The following GAREM1 variants were observed in gnomAD, a reference collection of about 807,000 sequenced individuals.
The protein encoded by GAREM1 is GRB2 associated regulator of MAPK1 subtype 1.
Under a neutral mutation model 71.3 loss-of-function variants are expected in GAREM1, and 26 were observed. That is an observed-to-expected ratio of 0.36 (90% CI 0.27 to 0.51). The LOEUF is 0.51. Ranked by LOEUF, GAREM1 falls within the 20% of genes least tolerant of loss-of-function variation. The probability of loss-of-function intolerance (pLI) is 0.95; values close to 1 mark genes in which losing one functional copy is unlikely to be tolerated. For synonymous variants in GAREM1, 440 were observed against 433.2 expected (o/e 1.02, Z -0.20); for missense variants, 1,026 against 1,103.1 (o/e 0.93, Z 0.99).
chr18:32,432,194 A>G (rs911084951), intron 1 of GAREM1, among the ~76,000 whole-genome samples: 1 of 152,190 alleles, frequency 6.6e-6, no homozygotes, highest in Non-Finnish European at 1.5e-5. Context: ...TTTAAAATAA[A>G]TATGATGGTG....
Position 32,285,168 on chromosome 18 carries a change from T to C in GAREM1, c.1566+1863A>G, listed in dbSNP as rs569210276. On this transcript the variant is annotated intron_variant, in intron 4 of 5. Transcript: ENST00000269209. ...TCCCCAAATAGTCCATGATATTTAG[T>C]GAATACAGGGATCTCTGGGCTTGTG... 1.1e-4 allele frequency among the ~76,000 whole-genome samples: 16 copies of C among 152,272 alleles called. No homozygotes were observed. In the South Asian group the frequency reaches 3.1e-3, roughly 30 times the overall value.
intron 1 of GAREM1, among the ~76,000 whole-genome samples, chr18:32,401,563 G>A (rs72931898): frequency 0.077 from 11,604 of 151,220 alleles, 620 homozygotes; most frequent in African/African-American, 0.15. Flanking sequence ...AATGAGTTGG[G>A]CTTAGATAAG....
chr18:32,355,576 G>A (rs771141260), intron 2 of GAREM1, among the ~76,000 whole-genome samples: 34 of 152,124 alleles, frequency 2.2e-4, no homozygotes, highest in Admixed American at 1.3e-4. Flanking sequence ...CATACTAGAA[G>A]TTTATTTCAT....
At chr18:32,336,041 G>C (rs934597272) in intron 2 of GAREM1, among the ~76,000 whole-genome samples, 1 of 152,198 alleles carries the variant, frequency 6.6e-6, no homozygotes, top group Admixed American at 6.5e-5. Flanking sequence ...TTTATTATTA[G>C]CTGTGTGCCC....
intron 1 of GAREM1, among the ~76,000 whole-genome samples, chr18:32,407,662 T>C (rs1056935225): frequency 3.0e-4 from 45 of 152,294 alleles, no homozygotes; most frequent in Admixed American, 2.2e-3. Context: ...TCTTCCCTCT[T>C]TATTCTTTCT....
chr18:32,389,748 T>C (rs967309208), intron 2 of GAREM1, among the ~76,000 whole-genome samples: 1 of 152,178 alleles, frequency 6.6e-6, no homozygotes, highest in Non-Finnish European at 1.5e-5. Flanking sequence ...CACAATGTAC[T>C]ATATGCTCTC....
Position 32,268,121 on chromosome 18 carries a change from C to A in GAREM1, c.2381G>T (p.Arg794Ile), listed in dbSNP as rs1382123542. 1 of 1,614,088 alleles carries A rather than the reference C, an allele frequency of 6.2e-7. No individual in the cohort carries two copies. ...CCATGGGGAACCGTCGCCACAGGAT[C>A]TGGGGGCCAGCTGGAGATGGAGCGG... ...SSPLHLQLAP[R>I]SCGDGSPWQP... Residue 794 changes from arginine (R) to isoleucine (I), a missense_variant, in exon 6 of 6, where the codon AGA becomes ATA. Around this residue, in one of 3 missense-constraint regions of GAREM1, gnomAD observed 636 missense variants for 631.2 expected, o/e 1.01. Coordinates refer to ENST00000269209, the MANE Select transcript of GAREM1 (RefSeq NM_001242409.2).
chr18:32,414,964 G>C (rs2048453938), intron 1 of GAREM1, among the ~76,000 whole-genome samples: 1 of 151,434 alleles, frequency 6.6e-6, no homozygotes, highest in African/African-American at 2.4e-5. Flanking sequence ...ACCTTTAGCA[G>C]ACTAAGAAAA....
Position 32,392,956 on chromosome 18 carries a change from G to A in GAREM1, c.201C>T (p.His67=). Residue 67 remains histidine (H), a synonymous_variant, in exon 2 of 6, where the codon CAC becomes CAT. Coordinates refer to ENST00000269209, the MANE Select transcript of GAREM1 (RefSeq NM_001242409.2). ...TGACATAGTGACCCTCCTCCAAGCT[G>A]TGGGCAGTGATGGTGGTCCACTGGC... The part of the protein sequence containing the change: ...SCRQWTTITA[H]SLEEGHYVIG... The A allele has an allele frequency of 6.2e-7, 1 of 1,613,880 alleles. No individual in the cohort carries two copies. The highest frequency in any genetic ancestry group is 8.5e-7 in the Non-Finnish European group (1 of 1,179,870).
chr18:32,372,325 C>A (rs2047988964), intron 2 of GAREM1, among the ~76,000 whole-genome samples: 1 of 152,166 alleles, frequency 6.6e-6, no homozygotes. Flanking sequence ...TGTAGTTTCT[C>A]TTCTAAATCA....
At chr18:32,293,152 C>T (rs955763559) in intron 3 of GAREM1, among the ~76,000 whole-genome samples, 1 of 151,764 alleles carries the variant, frequency 6.6e-6, no homozygotes, top group Non-Finnish European at 1.5e-5. Flanking sequence ...CAGACACACA[C>T]ACACACACAG....
intron 2 of GAREM1, among the ~76,000 whole-genome samples, chr18:32,321,382 G>A (rs2047426486): frequency 6.6e-6 from 1 of 152,128 alleles, no homozygotes; most frequent in African/African-American, 2.4e-5. Flanking sequence ...GACATTCTGA[G>A]TTCTGTGCAT....
intron 1 of GAREM1, among the ~76,000 whole-genome samples, chr18:32,438,249 T>C (rs1307267000): frequency 6.6e-6 from 1 of 152,226 alleles, no homozygotes; most frequent in African/African-American, 2.4e-5. Context: ...AGAGCGGGTC[T>C]GTTTGCTATG....
At chr18:32,451,248 T>TCCCCCCCCCCCCCCCCCCCCCCCCCCC (rs1164223308) in intron 1 of GAREM1, among the ~76,000 whole-genome samples, 1 of 102,442 alleles carries the variant, frequency 9.8e-6, no homozygotes, top group African/African-American at 3.4e-5. Flanking sequence ...AGAGCCCCCA[T>TCCCCCCCCCCCCCCCCCCCCCCCCCCC]CCCCCCACCC....
At chr18:32,410,489 A>G (rs968393843) in intron 1 of GAREM1, among the ~76,000 whole-genome samples, 3 of 152,124 alleles carry the variant, frequency 2.0e-5, no homozygotes, top group Admixed American at 6.6e-5. Flanking sequence ...CTGGTACTAC[A>G]GGTATGCACC....
At chr18:32,289,152 C>T (rs1440141967) in intron 3 of GAREM1, among the ~76,000 whole-genome samples, 2 of 152,130 alleles carry the variant, frequency 1.3e-5, no homozygotes, top group African/African-American at 4.8e-5. Flanking sequence ...GATCACAGCT[C>T]ACTGCAGCCT....
intron 2 of GAREM1, among the ~76,000 whole-genome samples, chr18:32,332,006 T>G (rs1046451429): frequency 1.3e-5 from 2 of 150,434 alleles, no homozygotes; most frequent in Non-Finnish European, 3.0e-5. Flanking sequence ...ACTGACTGTG[T>G]CCTTTCGTAC....
intron 1 of GAREM1, among the ~76,000 whole-genome samples, chr18:32,451,438 C>T (rs1040078315): frequency 6.6e-5 from 10 of 152,294 alleles, no homozygotes; most frequent in African/African-American, 2.4e-4. Flanking sequence ...CTGCCTCATA[C>T]ACTCACCTGC....
At chr18:32,404,704 A>G (rs913598144) in intron 1 of GAREM1, among the ~76,000 whole-genome samples, 1 of 152,196 alleles carries the variant, frequency 6.6e-6, no homozygotes, top group South Asian at 2.1e-4. Context: ...ATATAATCTT[A>G]TATGACAGAT....
Sources: gnomAD v4.1 joint callset for allele counts (sites outside exome capture counted in the v4.1 genomes callset) on GRCh38, gnomAD v4.1.1 for gene constraint, gnomAD v4.1.1 regional missense constraint, MANE v1.5 for transcripts, NCBI Gene and HGNC (gene_info 2026-07-23, HGNC 2026-07-21) for gene names.